Variants in TCF12 observed in about 807,000 individuals in gnomAD.
TCF12 encodes transcription factor 12.
A neutral mutation model predicts 86.0 loss-of-function variants in TCF12; 45 were observed. That is an observed-to-expected ratio of 0.52 (90% confidence interval 0.41 to 0.67). TCF12 has a LOEUF of 0.67. Ranked by LOEUF, TCF12 falls within the 30% of genes least tolerant of loss-of-function variation. The pLI is 0.00. For missense variants in TCF12, 881 were observed against 859.9 expected, an observed-to-expected ratio of 1.02 and a Z score of -0.31; for synonymous variants, 330 against 299.6, an observed-to-expected ratio of 1.10 and a Z score of -1.05.
chr15:57,136,789 C>G (rs2052552717), intron 5 of TCF12, among the ~76,000 whole-genome samples: 1 of 151,774 alleles, frequency 6.6e-6, no homozygotes, highest in Non-Finnish European at 1.5e-5. Context: ...GATCCTCACA[C>G]CTAAGCCTCC....
chr15:57,078,573 G>A (rs533295111), intron 4 of TCF12, among the ~76,000 whole-genome samples: 1 of 152,062 alleles, frequency 6.6e-6, no homozygotes, highest in South Asian at 2.1e-4. Flanking sequence ...TGTATTATAG[G>A]CAGTACTACA....
chr15:57,195,239 T>C (rs1237984345), intron 7 of TCF12, among the ~76,000 whole-genome samples: 1 of 152,220 alleles, frequency 6.6e-6, no homozygotes, highest in African/African-American at 2.4e-5. Flanking sequence ...TTCCCAGAAG[T>C]GGTCGGTGAA....
At chr15:57,284,364 C>T (rs922567343) in intron 20 of TCF12, among the ~76,000 whole-genome samples, 3 of 152,158 alleles carry the variant, frequency 2.0e-5, no homozygotes, top group South Asian at 2.1e-4. Context: ...TACACCACCA[C>T]GCCCAGCTAA....
intron 3 of TCF12, among the ~76,000 whole-genome samples, chr15:57,005,643 C>T (rs1190220301): frequency 6.6e-6 from 1 of 152,200 alleles, no homozygotes; most frequent in Admixed American, 6.5e-5. Context: ...TCATGGCTCA[C>T]TTTAAGCCTT....
intron 4 of TCF12, among the ~76,000 whole-genome samples, chr15:57,089,272 A>G (rs2048837377): frequency 6.6e-6 from 1 of 152,194 alleles, no homozygotes; most frequent in African/African-American, 2.4e-5. Flanking sequence ...TAAATCAGAG[A>G]AATTGTGCCT....
In TCF12 at chr15:57,177,462, G is replaced by C. The variant is rs553869714; in HGVS notation, c.390+10996G>C. On this transcript the variant is annotated intron_variant, in intron 6 of 20. Transcript: ENST00000333725. ...CTTTTTGTATTTTCGGTAGAGAGGG[G>C]GTTTCACCATGTTGGCCAGGCTGCT... Among the ~76,000 whole-genome samples, 80 of 151,842 alleles carry C rather than the reference G, an allele frequency of 5.3e-4. 1 individual carries two copies. Among genetic ancestry groups the C allele is most frequent in the Non-Finnish European group, 9.6e-4 (65 of 67,944 alleles).
intron 12 of TCF12, among the ~76,000 whole-genome samples, chr15:57,243,111 ATTATTT>A (rs1360178777): frequency 3.2e-4 from 49 of 152,326 alleles, no homozygotes; most frequent in Admixed American, 2.9e-3. Context: ...TTCTGAGGTG[ATTATTT>A]TTAAAGATAC....
At chr15:57,263,421 C>A in intron 18 of TCF12, 147 bp downstream of exon 18, 1 of 766,588 alleles carries the variant, frequency 1.3e-6, no homozygotes, top group Non-Finnish European at 2.0e-6. Flanking sequence ...ATTTAATCAC[C>A]ACATCATCTC....
chr15:56,936,176 GTGAGA>G (rs1444896596), intron 3 of TCF12, among the ~76,000 whole-genome samples: 1 of 152,166 alleles, frequency 6.6e-6, no homozygotes, highest in African/African-American at 2.4e-5. Flanking sequence ...GGCCATTCTT[GTGAGA>G]GTAAGGTGGT....
At chr15:56,984,217 A>T (rs1207673924) in intron 3 of TCF12, among the ~76,000 whole-genome samples, 3 of 148,010 alleles carry the variant, frequency 2.0e-5, no homozygotes, top group Non-Finnish European at 4.5e-5. Flanking sequence ...TGTGCATACA[A>T]CTATATACAA....
chr15:57,172,707 A>G (rs1246538569), intron 6 of TCF12, among the ~76,000 whole-genome samples: 1 of 152,114 alleles, frequency 6.6e-6, no homozygotes, highest in East Asian at 1.9e-4. Context: ...TGATGAAATA[A>G]CGTGTACAAA....
At position 57,287,725 on chromosome 15, in the gene TCF12, C is replaced by T. The variant is rs1314549460; in HGVS notation, c.*1580C>T. The T allele has an allele frequency of 1.3e-5, 2 of 152,608 alleles. No homozygotes were observed. The highest frequency in any genetic ancestry group is 2.4e-5 in the African/African-American group (1 of 41,460). 9.5% of individuals were successfully genotyped at this position (152,608 alleles called of 1,614,324 possible). A position where few individuals can be genotyped will look rare whatever the true frequency, so the allele number is the denominator to read the frequency against. ...AAAGATTTCTGTTAATTTGAAAGAA[C>T]AAAAACAAGACAGAACTTCTGGTAC... On this transcript the variant is annotated 3_prime_UTR_variant, in exon 21 of 21. Coordinates refer to ENST00000333725, the MANE Select transcript of TCF12 (RefSeq NM_207037.2).
chr15:57,236,207 C>T (rs1419569110), intron 12 of TCF12, among the ~76,000 whole-genome samples: 1 of 152,188 alleles, frequency 6.6e-6, no homozygotes, highest in African/African-American at 2.4e-5. Context: ...AATCCATCTG[C>T]TTCCCCACTT....
chr15:57,065,313 C>G (rs542630733), intron 4 of TCF12, among the ~76,000 whole-genome samples: 2 of 152,256 alleles, frequency 1.3e-5, no homozygotes, highest in East Asian at 3.9e-4. Flanking sequence ...CTATTTTTGT[C>G]TTAGCTATTT....
At chr15:57,075,804 T>TTCTTTCTTTCTTTCTCTC (rs1461514777) in intron 4 of TCF12, among the ~76,000 whole-genome samples, 33 of 28,596 alleles carry the variant, frequency 1.2e-3, no homozygotes, top group African/African-American at 3.9e-3. Flanking sequence ...CTTTCTTTCT[T>TTCTTTCTTTCTTTCTCTC]TCTCTCTCTC....
chr15:57,192,430 C>G, intron 7 of TCF12, 137 bp downstream of exon 7: 1 of 1,240,360 alleles, frequency 8.1e-7, no homozygotes, highest in Non-Finnish European at 1.1e-6. Context: ...ACTCTGTTAC[C>G]CATGCAGGAA....
At chr15:56,973,734 C>T (rs1255688074) in intron 3 of TCF12, among the ~76,000 whole-genome samples, 3 of 152,018 alleles carry the variant, frequency 2.0e-5, no homozygotes, top group Admixed American at 6.5e-5. Context: ...ATACTATTTC[C>T]AGAGAGAAAG....
At chr15:57,224,785 A>G (rs1249801548) in intron 8 of TCF12, among the ~76,000 whole-genome samples, 1 of 152,188 alleles carries the variant, frequency 6.6e-6, no homozygotes, top group East Asian at 1.9e-4. Context: ...AATTAGGTAA[A>G]AAGAATCTTC....
Position 57,223,643 on chromosome 15 carries a change from GTTTTTT to G in TCF12, c.580-7486_580-7481del, listed in dbSNP as rs550493641. Among the ~76,000 whole-genome samples, 128 of 69,692 alleles carry G rather than the reference GTTTTTT, an allele frequency of 1.8e-3. 2 individuals are homozygous for G. Among genetic ancestry groups the G allele is most frequent in the Non-Finnish European group, 2.1e-3 (76 of 35,984 alleles). 45.7% of individuals were successfully genotyped at this position (69,692 alleles called of 152,430 possible). On this transcript the variant is annotated intron_variant, in intron 8 of 20. Transcript: ENST00000333725. ...GTTTTGGCACCTGCCTACCAATGAG[GTTTTTT>G]TTTTTTTTTTTTTTTTTTTTTTAGA...
Sources: allele counts gnomAD v4.1 joint callset (sites outside exome capture counted in the v4.1 genomes callset), GRCh38; gene constraint gnomAD v4.1.1; transcripts MANE v1.5; gene names NCBI Gene and HGNC (gene_info 2026-07-23, HGNC 2026-07-21).